Variants in CYSLTR2 observed in about 807,000 individuals in gnomAD.
The protein encoded by CYSLTR2 is cysteinyl leukotriene receptor 2, also known as G-protein coupled receptor GPCR21.
For missense variants in CYSLTR2, 398 were observed against 411.9 expected, an observed-to-expected ratio of 0.97 and a Z score of 0.29; for synonymous variants, 179 against 160.8, an observed-to-expected ratio of 1.11 and a Z score of -0.86.
intron 1 of CYSLTR2, among the ~76,000 whole-genome samples, chr13:48,688,683 G>C (rs1263745727): frequency 6.6e-6 from 1 of 152,180 alleles, no homozygotes; most frequent in Non-Finnish European, 1.5e-5. Flanking sequence ...TTGGTTCCAA[G>C]TCTTTGCTAT....
chr13:48,654,378 T>G (rs1013395883), intron 1 of CYSLTR2, among the ~76,000 whole-genome samples: 2 of 151,680 alleles, frequency 1.3e-5, no homozygotes, highest in African/African-American at 4.8e-5. Flanking sequence ...TATGGACAAG[T>G]TTGTATTCAT....
intron 1 of CYSLTR2, among the ~76,000 whole-genome samples, chr13:48,688,754 A>G (rs1276883496): frequency 6.6e-6 from 1 of 152,160 alleles, no homozygotes; most frequent in African/African-American, 2.4e-5. Flanking sequence ...ATGACTTATA[A>G]TCCTTTGGGT....
rs934786456 is a variant in CYSLTR2 at position 48,689,769 on chromosome 13, G to GT, written c.-265-1435dup. Among the ~76,000 whole-genome samples, 56 of 151,938 alleles carry GT rather than the reference G, an allele frequency of 3.7e-4. 1 individual carries two copies. Among genetic ancestry groups the GT allele is most frequent in the Non-Finnish European group, 6.8e-4 (46 of 67,924 alleles). ...TTGGTTCCATATGAAATTTAAAGTAGTTTTTTTTCTAATTCTGCAAAGAAA... is the reference window on the plus strand; with the variant it reads ...TTGGTTCCATATGAAATTTAAAGTAGTTTTTTTTTCTAATTCTGCAAAGAAA... On this transcript the variant is annotated intron_variant, in intron 1 of 4. Coordinates refer to ENST00000682523, the MANE Select transcript of CYSLTR2 (RefSeq NM_001308476.3).
chr13:48,693,880 C>T (rs1427889651), intron 3 of CYSLTR2, among the ~76,000 whole-genome samples: 2 of 152,192 alleles, frequency 1.3e-5, no homozygotes, highest in Admixed American at 1.3e-4. Context: ...TTATAAAGTG[C>T]CTCTAAAGTA....
intron 1 of CYSLTR2, among the ~76,000 whole-genome samples, chr13:48,659,033 C>T (rs183426531): frequency 8.5e-5 from 13 of 152,068 alleles, no homozygotes; most frequent in Non-Finnish European, 1.6e-4. Context: ...ACAGCCTGTA[C>T]TAGGCCGGTC....
intron 1 of CYSLTR2, among the ~76,000 whole-genome samples, chr13:48,658,562 A>G (rs1953052944): frequency 6.6e-6 from 1 of 152,192 alleles, no homozygotes; most frequent in South Asian, 2.1e-4. Context: ...ACAGGAGACA[A>G]CTGCTGCCCC....
chr13:48,679,320 C>T (rs80145258), intron 1 of CYSLTR2, among the ~76,000 whole-genome samples: 1 of 152,208 alleles, frequency 6.6e-6, no homozygotes, highest in South Asian at 2.1e-4. Flanking sequence ...TTCTGTGGGC[C>T]CTTCTTCCTC....
intron 4 of CYSLTR2, among the ~76,000 whole-genome samples, chr13:48,699,015 C>T (rs1318814491): frequency 2.0e-5 from 3 of 152,208 alleles, no homozygotes; most frequent in Non-Finnish European, 4.4e-5. Context: ...CACCCAGATT[C>T]ATAAAGCAAG....
At chr13:48,687,404 G>A (rs1953922136) in intron 1 of CYSLTR2, among the ~76,000 whole-genome samples, 1 of 150,532 alleles carries the variant, frequency 6.6e-6, no homozygotes, top group African/African-American at 2.5e-5. Flanking sequence ...ATAATTGGTA[G>A]ATTATCATCT....
intron 1 of CYSLTR2, among the ~76,000 whole-genome samples, chr13:48,654,294 TGTGTGTGTGTGA>T (rs57368585): frequency 0.12 from 10,014 of 85,958 alleles, 327 homozygotes; most frequent in African/African-American, 0.21. Flanking sequence ...TGTGTGTGTG[TGTGTGTGTGTGA>T]GTGTGTGTGT....
intron 3 of CYSLTR2, among the ~76,000 whole-genome samples, chr13:48,695,682 G>C (rs1954166611): frequency 6.6e-6 from 1 of 152,090 alleles, no homozygotes; most frequent in African/African-American, 2.4e-5. Flanking sequence ...CACTCTGTAT[G>C]ATTAGTTTTT....
At chr13:48,667,910 T>C (rs1043966995) in intron 1 of CYSLTR2, among the ~76,000 whole-genome samples, 17 of 152,098 alleles carry the variant, frequency 1.1e-4, no homozygotes, top group African/African-American at 3.9e-4. Context: ...ACAGAGTGGT[T>C]AGATGAAAGT....
At position 48,668,154 on chromosome 13, in the gene CYSLTR2, G is replaced by A. The variant is rs188443762; in HGVS notation, c.-266+14137G>A. Among the ~76,000 whole-genome samples, 144 of 152,094 alleles carry A rather than the reference G, an allele frequency of 9.5e-4. 1 individual carries two copies. Among genetic ancestry groups the A allele is most frequent in the African/African-American group, 3.3e-3 (137 of 41,450 alleles). ...TTATCTGGAGAGGCAGACATGATGT[G>A]TCTGCCTGACATATATCCCCCAAAG... On this transcript the variant is annotated intron_variant, in intron 1 of 4. Transcript: ENST00000682523.
chr13:48,704,375 G>T (rs1490865039), intron 4 of CYSLTR2, among the ~76,000 whole-genome samples: 1 of 152,108 alleles, frequency 6.6e-6, no homozygotes, highest in Non-Finnish European at 1.5e-5. Flanking sequence ...AGAAAAAATA[G>T]CTGGGCATGG....
chr13:48,678,009 T>G (rs961590000), intron 1 of CYSLTR2, among the ~76,000 whole-genome samples: 8 of 151,908 alleles, frequency 5.3e-5, no homozygotes, highest in African/African-American at 1.9e-4. Context: ...GTATCTGGGA[T>G]TACAGGCAAG....
intron 3 of CYSLTR2, among the ~76,000 whole-genome samples, chr13:48,694,185 CAGTAGTTCTCA>C (rs941065714): frequency 2.1e-4 from 32 of 151,370 alleles, no homozygotes; most frequent in Middle Eastern, 3.4e-3. Flanking sequence ...ACGAAAAAAA[CAGTAGTTCTCA>C]AGCTCACAAA....
intron 1 of CYSLTR2, among the ~76,000 whole-genome samples, chr13:48,666,107 A>C (rs1953254808): frequency 6.6e-6 from 1 of 151,862 alleles, no homozygotes; most frequent in African/African-American, 2.4e-5. Context: ...ACATTCTCTT[A>C]ATTTTTGCTT....
chr13:48,659,248 G>A, intron 1 of CYSLTR2, among the ~76,000 whole-genome samples: 1 of 152,164 alleles, frequency 6.6e-6, no homozygotes, highest in East Asian at 1.9e-4. Context: ...GGTGGCAACA[G>A]GAATGACAAT....
intron 4 of CYSLTR2, among the ~76,000 whole-genome samples, chr13:48,701,834 AT>A (rs1190483033): frequency 3.3e-5 from 5 of 152,370 alleles, no homozygotes; most frequent in African/African-American, 1.2e-4. Context: ...TAGTTCAACC[AT>A]TGTGGAAGAG....
Sources: gnomAD v4.1 joint callset for allele counts (sites outside exome capture counted in the v4.1 genomes callset) on GRCh38, gnomAD v4.1.1 for gene constraint, MANE v1.5 for transcripts, NCBI Gene and HGNC (gene_info 2026-07-23, HGNC 2026-07-21) for gene names.